MYO15B: variants seen among roughly 807,000 people sequenced by gnomAD.
The protein encoded by MYO15B is myosin XVB pseudogene.
A neutral mutation model predicts 119.3 loss-of-function variants in MYO15B; 207 were observed. That is an observed-to-expected ratio of 1.73 (90% CI 1.55 to 1.95). MYO15B has a LOEUF of 1.95. MYO15B is among the 30% of genes most tolerant of loss of function. The pLI is 0.00. For missense variants in MYO15B, 2,264 were observed against 1,203.1 expected, an observed-to-expected ratio of 1.88 and a Z score of -13.04; for synonymous variants, 966 against 498.9, an observed-to-expected ratio of 1.94 and a Z score of -12.48.
At chr17:75,592,154 C>G (rs1176040594) in intron 6 of MYO15B, 74 bp downstream of exon 6, 1 of 701,262 alleles carries the variant, frequency 1.4e-6, no homozygotes, top group Admixed American at 2.0e-5. Context: ...TCCCTGGGGT[C>G]CAGACCCTGG....
intron 9 of MYO15B, among the ~76,000 whole-genome samples, chr17:75,593,813 G>A (rs1374949285): frequency 1.3e-5 from 2 of 151,566 alleles, no homozygotes; most frequent in Non-Finnish European, 2.9e-5. Context: ...CAGCTACTTA[G>A]GAGGCTGAGA....
Position 75,602,825 on chromosome 17 carries a change from C to G in MYO15B, c.3730-5C>G, listed in dbSNP as rs2057371820. ...GCCAGCTGACTCAGCCCTTCACCCC[C>G]ACAGCTGGTGGGCAGCCTGTTCCAG... On this transcript the variant is annotated splice_region_variant and splice_polypyrimidine_tract_variant and intron_variant, in intron 16 of 63. Coordinates refer to ENST00000645453, the Ensembl canonical transcript of MYO15B. 1.6e-6 allele frequency: 1 copy of G among 620,298 alleles called. No homozygotes were observed. Among genetic ancestry groups the G allele is most frequent in the African/African-American group, 1.8e-5 (1 of 54,486 alleles). The allele number at this position is 620,298 out of a possible 1,614,324, so 38.4% of individuals were successfully genotyped here.
chr17:75,616,533 C>A, exon 39 of MYO15B: 1 of 702,440 alleles, frequency 1.4e-6, no homozygotes, highest in Non-Finnish European at 2.6e-6. Context: ...GTGCCGTCCC[C>A]TCCTCCTCCC....
At chr17:75,610,312 G>A (rs1260287338) in intron 22 of MYO15B, 53 bp downstream of exon 22, 6 of 644,446 alleles carry the variant, frequency 9.3e-6, no homozygotes, top group Non-Finnish European at 1.7e-5. Flanking sequence ...TGCCTGAGCT[G>A]GCCGAGCTGG....
chr17:75,620,418 C>T (rs780800695), intron 48 of MYO15B, 49 bp from the exon 49 acceptor site: 37 of 702,430 alleles, frequency 5.3e-5, no homozygotes, highest in South Asian at 3.1e-4. Context: ...AGAGGCTGCC[C>T]GGGGGCAGAG....
At chr17:75,613,798 G>A (rs1273459316) in intron 29 of MYO15B, 21 bp downstream of exon 29, 2 of 695,164 alleles carry the variant, frequency 2.9e-6, no homozygotes, top group Admixed American at 4.1e-5. Flanking sequence ...CGGGGATGGG[G>A]GACAGTGTGG....
Position 75,592,783 on chromosome 17 carries a change from C to T in MYO15B, c.2934C>T (p.Val978=), listed in dbSNP as rs550408961. The T allele has an allele frequency of 2.1e-5, 15 of 702,908 alleles. No homozygotes were observed. The African/African-American group carries it at 2.6e-4, about 12-fold the overall frequency. 43.5% of individuals were successfully genotyped at this position (702,908 alleles called of 1,614,324 possible). Residue 978 remains valine, a synonymous_variant, in exon 9 of 64, where the codon GTC becomes GTT. Coordinates refer to ENST00000645453, the Ensembl canonical transcript of MYO15B. ...TGTGCCCAGAGGAGTTGAATGCCGTCTGGGCTGTGCTGGCCGCCATCCTGC... is the reference window on the plus strand; with the variant it reads ...TGTGCCCAGAGGAGTTGAATGCCGTTTGGGCTGTGCTGGCCGCCATCCTGC...
rs916845653 is a variant in MYO15B at position 75,589,415 on chromosome 17, A to G, written c.1358A>G (p.His453Arg). The G allele has an allele frequency of 3.7e-5, 14 of 374,304 alleles. No individual in the cohort carries two copies. Among genetic ancestry groups the G allele is most frequent in the East Asian group, 1.7e-4 (4 of 23,670 alleles). The allele number at this position is 374,304 out of a possible 1,614,324, so 23.2% of individuals were successfully genotyped here. A position where few individuals can be genotyped will look rare whatever the true frequency, so the allele number is the denominator to read the frequency against. ...GGGAAAGCGGACGAAGGGCGGGGCC[A>G]CGAGCGAGGGTACGAGGGGCGGGGC... The change falls in exon 1 of 64, where the codon CAC becomes CGC. Residue 453 changes from histidine to arginine, a missense_variant. Coordinates refer to ENST00000645453, the Ensembl canonical transcript of MYO15B. The surrounding 1 kb of genome is among the most constrained non-coding windows in gnomAD (Gnocchi z 4.2).
chr17:75,589,878 G>A lies in MYO15B; in HGVS notation c.1821G>A (p.Pro607=). ...TTCGTCGCGGCTCCCTCCTTGCCCC[G>A]ACTGCACCCGACGGGCCTTCCCTCG... Residue 607 remains proline (P), a synonymous_variant, in exon 1 of 64, where the codon CCG becomes CCA. Coordinates refer to ENST00000645453, the Ensembl canonical transcript of MYO15B. The surrounding 1 kb of genome is among the most constrained non-coding windows in gnomAD (Gnocchi z 4.2). The A allele has an allele frequency of 5.0e-6, 2 of 398,606 alleles. No individual in the cohort carries two copies. Among genetic ancestry groups the A allele is most frequent in the Non-Finnish European group, 8.9e-6 (2 of 225,978 alleles). 24.7% of individuals were successfully genotyped at this position (398,606 alleles called of 1,614,324 possible). A position where few individuals can be genotyped will look rare whatever the true frequency, so the allele number is the denominator to read the frequency against.
At chr17:75,590,063 A>C (rs1003733793) in exon 1 of MYO15B, 1 of 398,798 alleles carries the variant, frequency 2.5e-6, no homozygotes, top group African/African-American at 2.1e-5. Context: ...CAGGAGGGAG[A>C]CCCGGGCCTC....
exon 41 of MYO15B, chr17:75,617,177 G>A: frequency 1.4e-6 from 1 of 692,748 alleles, no homozygotes; most frequent in African/African-American, 1.8e-5. Context: ...GCTCCATCAA[G>A]GAAAAGCAGG....
At chr17:75,614,704 T>A (rs780049281) in intron 31 of MYO15B, 21 bp downstream of exon 31, 14 of 702,406 alleles carry the variant, frequency 2.0e-5, no homozygotes, top group South Asian at 1.9e-4. Context: ...AGTGGGCACA[T>A]GGAGGTTGGC....
At chr17:75,614,596 C>T (rs1430844243) in exon 31 of MYO15B, 1 of 701,032 alleles carries the variant, frequency 1.4e-6, no homozygotes, top group Non-Finnish European at 2.6e-6. Flanking sequence ...CGAGGCCATT[C>T]CCCTTGCCCC....
intron 11 of MYO15B, 36 bp from the exon 12 acceptor site, chr17:75,594,804 G>A (rs1019325600): frequency 4.3e-6 from 3 of 702,632 alleles, no homozygotes; most frequent in African/African-American, 1.7e-5. Flanking sequence ...CCCGAGGCAC[G>A]GCTCTATGTG....
At chr17:75,599,737 T>G (rs1462811016) in intron 14 of MYO15B, among the ~76,000 whole-genome samples, 1 of 150,660 alleles carries the variant, frequency 6.6e-6, no homozygotes, top group East Asian at 2.1e-4. Context: ...CTACTAAAAA[T>G]ACAAAAAATG....
intron 59 of MYO15B, 37 bp from the exon 60 acceptor site, chr17:75,625,086 G>A (rs1332941575): frequency 3.0e-6 from 2 of 668,322 alleles, no homozygotes; most frequent in African/African-American, 3.5e-5. Flanking sequence ...GGGGGCTTTG[G>A]ACCACCGCTG....
intron 14 of MYO15B, 135 bp from the exon 15 acceptor site, chr17:75,601,303 C>T (rs143910686): frequency 1.8e-4 from 105 of 589,910 alleles, no homozygotes; most frequent in Non-Finnish European, 3.0e-4. Context: ...CCTCCCAAAG[C>T]GCTTGTTTTG....
chr17:75,617,536 G>A (rs962305130), intron 41 of MYO15B: 6 of 514,594 alleles, frequency 1.2e-5, no homozygotes, highest in Non-Finnish European at 2.1e-5. Context: ...CACACAGGGT[G>A]TTGTCCCTGA....
exon 36 of MYO15B, chr17:75,615,830 C>A (rs779778314): frequency 1.4e-5 from 10 of 702,346 alleles, no homozygotes; most frequent in South Asian, 1.2e-4. Flanking sequence ...GGAAGCCCCC[C>A]ACACCCCCGG....
Sources: allele counts gnomAD v4.1 joint callset (sites outside exome capture counted in the v4.1 genomes callset), GRCh38; gene constraint gnomAD v4.1.1; non-coding constraint Gnocchi (gnomAD v3.1); transcripts MANE v1.5; gene names NCBI Gene and HGNC (gene_info 2026-07-23, HGNC 2026-07-21).